INPP4A: variants seen among roughly 807,000 people sequenced by gnomAD.
INPP4A encodes the protein inositol polyphosphate-4-phosphatase, type I, 107kD.
A neutral mutation model predicts 119.8 loss-of-function variants in INPP4A; 33 were observed. The ratio of observed to expected loss-of-function variants is 0.28; its 90% CI spans 0.21 to 0.37. The LOEUF is 0.37. Ranked by LOEUF, INPP4A falls within the 10% of genes least tolerant of loss-of-function variation. The probability of loss-of-function intolerance (pLI) is 1.00; values close to 1 mark genes in which losing one functional copy is unlikely to be tolerated. For missense variants in INPP4A, 956 were observed against 1,289.9 expected (o/e 0.74, Z 3.97); for synonymous variants, 496 against 500.7 (o/e 0.99, Z 0.12).
At chr2:98,506,120 A>G (rs1683994973) in intron 1 of INPP4A, among the ~76,000 whole-genome samples, 1 of 152,202 alleles carries the variant, frequency 6.6e-6, no homozygotes, top group Admixed American at 6.5e-5. Flanking sequence ...TTGATGGGAA[A>G]AGCTGGAGAT....
intron 1 of INPP4A, among the ~76,000 whole-genome samples, chr2:98,501,911 C>G (rs1683197482): frequency 6.6e-6 from 1 of 152,222 alleles, no homozygotes; most frequent in South Asian, 2.1e-4. Context: ...CTGAGCAGTG[C>G]TGTGAAGCGT....
At position 98,533,398 on chromosome 2, in the gene INPP4A, C is replaced by T; in HGVS notation, c.173C>T (p.Pro58Leu). Residue 58 changes from proline (P) to leucine (L), a missense_variant, in exon 5 of 25, where the codon CCA (proline) becomes CTA (leucine). Pro to Leu is a moderately conservative substitution (Grantham distance 98). Transcript: ENST00000409851. ...GTAGCTTGCAGTGAGCTGCATACTC[C>T]ATCGCTAGATCGAAAGCCAAATAGT... Reference protein sequence around the residue: ...FSLACSELHTPSLDRKPNSFV... With the variant: ...FSLACSELHTLSLDRKPNSFV... 1 of 1,612,942 alleles carries T rather than the reference C, an allele frequency of 6.2e-7. No individual in the cohort carries two copies. The highest frequency in any genetic ancestry group is 8.5e-7 in the Non-Finnish European group (1 of 1,179,298).
At chr2:98,533,347 A>T in intron 4 of INPP4A, 30 bp from the exon 5 acceptor site, 1 of 1,386,466 alleles carries the variant, frequency 7.2e-7, no homozygotes, top group Non-Finnish European at 1.0e-6. Flanking sequence ...GTTTTAAAGG[A>T]TTCATTTCTT....
chr2:98,581,825 A>G, intron 24 of INPP4A: 1 of 1,525,252 alleles, frequency 6.6e-7, no homozygotes, highest in Non-Finnish European at 8.8e-7. Flanking sequence ...GCCACCGTGT[A>G]CCTAACTGGA....
At chr2:98,475,860 A>C (rs1444292648) in intron 1 of INPP4A, among the ~76,000 whole-genome samples, 1 of 152,206 alleles carries the variant, frequency 6.6e-6, no homozygotes, top group African/African-American at 2.4e-5. Context: ...ACTAATTTTA[A>C]ATAACAGTGT....
At chr2:98,580,603 C>G (rs1354135839) in intron 24 of INPP4A, among the ~76,000 whole-genome samples, 1 of 152,238 alleles carries the variant, frequency 6.6e-6, no homozygotes, top group East Asian at 1.9e-4. Flanking sequence ...TGCTCCGCAG[C>G]TTGGGAATTG....
chr2:98,554,258 T>C lies in INPP4A; in HGVS notation c.1348-13T>C. The C allele has an allele frequency of 6.3e-7, 1 of 1,586,502 alleles. No individual in the cohort carries two copies. The highest frequency in any genetic ancestry group is 8.6e-7 in the Non-Finnish European group (1 of 1,166,458). On this transcript the variant is annotated splice_polypyrimidine_tract_variant and intron_variant, in intron 14 of 24. Coordinates refer to ENST00000409851, the MANE Select transcript of INPP4A (RefSeq NM_001134225.2). The surrounding 1 kb of genome is among the most constrained non-coding windows in gnomAD (Gnocchi z 4.7). ...GCCTGGGCTCAGCAGCCTTGGTTTGTGTGCACCTGCAGACACGGCAGCTGG... is the reference window on the plus strand; with the variant it reads ...GCCTGGGCTCAGCAGCCTTGGTTTGCGTGCACCTGCAGACACGGCAGCTGG...
intron 4 of INPP4A, among the ~76,000 whole-genome samples, chr2:98,523,875 G>T (rs933874156): frequency 1.3e-5 from 2 of 152,194 alleles, no homozygotes; most frequent in Non-Finnish European, 2.9e-5. Context: ...AAATATATAT[G>T]TTTGACCCTC....
chr2:98,552,692 C>T (rs1693752237), intron 13 of INPP4A, 94 bp from the exon 14 acceptor site: 1 of 1,003,218 alleles, frequency 1.0e-6, no homozygotes, highest in Non-Finnish European at 1.6e-6. Context: ...CAGAACACTT[C>T]ATCTTAGGGT....
chr2:98,538,607 A>G (rs938069903), intron 8 of INPP4A, among the ~76,000 whole-genome samples: 1 of 152,250 alleles, frequency 6.6e-6, no homozygotes, highest in Admixed American at 6.5e-5. Flanking sequence ...ATCCCTTGGC[A>G]TCATCTATTC....
At chr2:98,479,579 C>T (rs958001700) in intron 1 of INPP4A, among the ~76,000 whole-genome samples, 1 of 152,138 alleles carries the variant, frequency 6.6e-6, no homozygotes, top group African/African-American at 2.4e-5. Context: ...GGCACAGAAC[C>T]CACGTATAAC....
intron 9 of INPP4A, 31 bp from the exon 10 acceptor site, chr2:98,539,497 G>T (rs1690983354): frequency 6.3e-7 from 1 of 1,589,994 alleles, no homozygotes; most frequent in Middle Eastern, 1.9e-4. Flanking sequence ...CAGTTCATTT[G>T]CAGCCTGTCT....
chr2:98,545,840 A>G (rs1692380155), intron 11 of INPP4A, 129 bp from the exon 12 acceptor site: 5 of 627,518 alleles, frequency 8.0e-6, no homozygotes, highest in Middle Eastern at 2.7e-4. Context: ...GCAACTCAGA[A>G]TCTTCTAGGC....
chr2:98,545,589 C>T (rs1422790289), intron 11 of INPP4A, among the ~76,000 whole-genome samples: 2 of 152,184 alleles, frequency 1.3e-5, no homozygotes, highest in Non-Finnish European at 2.9e-5. Context: ...CAGTCTCTGG[C>T]GTGGACCCCT....
chr2:98,529,776 T>A (rs1688861210), intron 4 of INPP4A, among the ~76,000 whole-genome samples: 1 of 152,116 alleles, frequency 6.6e-6, no homozygotes, highest in African/African-American at 2.4e-5. Flanking sequence ...CAGAATTGTG[T>A]ACTTTAAGAG....
chr2:98,512,032 C>T (rs938560069), intron 1 of INPP4A, among the ~76,000 whole-genome samples: 10 of 151,762 alleles, frequency 6.6e-5, no homozygotes, highest in African/African-American at 2.4e-4. Flanking sequence ...GGCTTCCAGG[C>T]TCACAGATGG....
chr2:98,484,126 C>T (rs1679057350), intron 1 of INPP4A, among the ~76,000 whole-genome samples: 1 of 152,104 alleles, frequency 6.6e-6, no homozygotes, highest in Non-Finnish European at 1.5e-5. Flanking sequence ...CACTCCTGTC[C>T]CTCCCCTGCA....
chr2:98,491,909 A>G (rs1394875397), intron 1 of INPP4A, among the ~76,000 whole-genome samples: 1 of 150,760 alleles, frequency 6.6e-6, no homozygotes, highest in African/African-American at 2.4e-5. Flanking sequence ...TTTTTTTTTG[A>G]GACAGAATCT....
At chr2:98,487,036 A>G (rs1184817906) in intron 1 of INPP4A, among the ~76,000 whole-genome samples, 1 of 152,254 alleles carries the variant, frequency 6.6e-6, no homozygotes, top group Non-Finnish European at 1.5e-5. Context: ...GTTGCTTGTT[A>G]AATAAACTTT....
Sources: gnomAD v4.1 joint callset for allele counts (sites outside exome capture counted in the v4.1 genomes callset) on GRCh38, gnomAD v4.1.1 for gene constraint, Gnocchi (gnomAD v3.1) non-coding constraint, MANE v1.5 for transcripts, NCBI Gene and HGNC (gene_info 2026-07-23, HGNC 2026-07-21) for gene names.